Variants in PXDNL observed in about 807,000 individuals in gnomAD.
PXDNL encodes peroxidasin like.
Under a neutral mutation model 150.8 loss-of-function variants are expected in PXDNL, and 145 were observed. The observed-to-expected ratio is 0.96, with a 90% confidence interval of 0.84 to 1.10. The LOEUF (loss-of-function observed/expected upper bound fraction) is 1.10, where lower values mean the gene tolerates loss of function less well. Among genes scored for constraint, PXDNL ranks in the 50% least tolerant of loss-of-function variants. The pLI, the probability that PXDNL is intolerant of heterozygous loss-of-function variation, is 0.00. For missense variants in PXDNL, 2,087 were observed against 1,873.9 expected (o/e 1.11, Z -2.10); for synonymous variants, 757 against 725.7 (o/e 1.04, Z -0.69).
intron 4 of PXDNL, among the ~76,000 whole-genome samples, chr8:51,544,697 C>A: frequency 6.6e-6 from 1 of 152,120 alleles, no homozygotes; most frequent in Admixed American, 6.6e-5. Flanking sequence ...TTTTTAGGGT[C>A]AAAGGCTATG....
In PXDNL at chr8:51,804,133, T is replaced by C. The variant is rs538463658; in HGVS notation, c.164+5048A>G. ...GAGACATCAATCAGTTTATGTAAGA[T>C]GAATATTGATTTGGTCTGGAAGGTG... On this transcript the variant is annotated intron_variant, in intron 1 of 22. Coordinates refer to ENST00000356297, the MANE Select transcript of PXDNL (RefSeq NM_144651.5). Among the ~76,000 whole-genome samples, 12 of 152,310 alleles carry C rather than the reference T, an allele frequency of 7.9e-5. No individual in the cohort carries two copies. In the South Asian group the frequency reaches 2.5e-3, roughly 32 times the overall value.
In PXDNL at chr8:51,431,374, C is replaced by T. The variant is rs576289844; in HGVS notation, c.1526-4616G>A. Among the ~76,000 whole-genome samples, 43 of 152,228 alleles carry T rather than the reference C, an allele frequency of 2.8e-4. No individual in the cohort carries two copies. The South Asian group carries it at 5.4e-3, about 19-fold the overall frequency. ...TTTCCAAGAAACTTATTGGTTTCTT[C>T]GAAAACAAAAACATTCTCTGCTCAT... is the stretch of plus-strand genomic sequence containing the variant. On this transcript the variant is annotated intron_variant, in intron 12 of 22. Transcript: ENST00000356297.
intron 12 of PXDNL, among the ~76,000 whole-genome samples, chr8:51,441,604 G>A (rs994156391): frequency 5.9e-5 from 9 of 152,192 alleles, no homozygotes; most frequent in Non-Finnish European, 1.3e-4. Context: ...TCAATGCACA[G>A]TTTTTTCCTA....
chr8:51,800,389 G>A (rs2037605640), intron 1 of PXDNL, among the ~76,000 whole-genome samples: 1 of 152,134 alleles, frequency 6.6e-6, no homozygotes, highest in Admixed American at 6.5e-5. Context: ...AATTCCACGT[G>A]GTATATTCCC....
chr8:51,644,406 A>ATATGTGTGTGTATATATATACACATG (rs764867335), intron 2 of PXDNL, among the ~76,000 whole-genome samples: 4 of 23,346 alleles, frequency 1.7e-4, no homozygotes, highest in African/African-American at 2.3e-4. Flanking sequence ...ATATATACAC[A>ATATGTGTGTGTATATATATACACATG]TGTGTGTGTA....
intron 20 of PXDNL, among the ~76,000 whole-genome samples, chr8:51,341,593 A>T (rs1197037057): frequency 1.3e-5 from 2 of 152,100 alleles, no homozygotes; most frequent in Non-Finnish European, 2.9e-5. Flanking sequence ...AAAACTCTTT[A>T]CTCATTGAGC....
chr8:51,590,710 G>A (rs984911318), intron 3 of PXDNL, among the ~76,000 whole-genome samples: 1 of 150,392 alleles, frequency 6.6e-6, no homozygotes, highest in African/African-American at 2.5e-5. Flanking sequence ...GTCGTATTTT[G>A]GAAGTAGATA....
intron 1 of PXDNL, among the ~76,000 whole-genome samples, chr8:51,767,596 T>C (rs1312195818): frequency 6.6e-6 from 1 of 152,228 alleles, no homozygotes; most frequent in East Asian, 1.9e-4. Context: ...CTTACTACTA[T>C]GCCTTAGTCT....
chr8:51,651,134 A>G (rs1229952761), intron 2 of PXDNL, among the ~76,000 whole-genome samples: 1 of 152,222 alleles, frequency 6.6e-6, no homozygotes. Flanking sequence ...ATTTAACAAT[A>G]ATATTAATAC....
chr8:51,745,131 T>A (rs945451419), intron 1 of PXDNL, among the ~76,000 whole-genome samples: 1 of 152,174 alleles, frequency 6.6e-6, no homozygotes, highest in Non-Finnish European at 1.5e-5. Context: ...AGAAACCCAC[T>A]TATTTGTTAT....
rs186332258 is a variant in PXDNL, at chr8:51,697,792, G to A, written c.165-43032C>T. 3.8e-4 allele frequency among the ~76,000 whole-genome samples: 58 copies of A among 152,210 alleles called. 3 individuals are homozygous for A. The East Asian group carries it at 0.011, about 28-fold the overall frequency. On this transcript the variant is annotated intron_variant, in intron 1 of 22. Transcript: ENST00000356297. ...CTCTTGGCTCCTTCCTAGTTTCAAG[G>A]GAGACATTACAGTCCCAAGTTTTTC...
At chr8:51,596,883 T>C (rs1239299915) in intron 2 of PXDNL, among the ~76,000 whole-genome samples, 1 of 152,222 alleles carries the variant, frequency 6.6e-6, no homozygotes, top group African/African-American at 2.4e-5. Flanking sequence ...TTAGTTTATT[T>C]TGCTGTGCAG....
chr8:51,606,504 T>C (rs986474903), intron 2 of PXDNL, among the ~76,000 whole-genome samples: 4 of 152,200 alleles, frequency 2.6e-5, no homozygotes, highest in African/African-American at 9.6e-5. Context: ...GAAATAATAC[T>C]CTAACTATAA....
intron 1 of PXDNL, among the ~76,000 whole-genome samples, chr8:51,681,246 C>A (rs964741816): frequency 1.3e-5 from 2 of 152,110 alleles, no homozygotes; most frequent in Admixed American, 6.6e-5. Context: ...AAGACCCCAG[C>A]CCCCTAACGC....
chr8:51,534,834 G>T (rs1812027112), intron 4 of PXDNL, among the ~76,000 whole-genome samples: 4 of 128,898 alleles, frequency 3.1e-5, no homozygotes, highest in Admixed American at 7.1e-5. Context: ...GCCCCGTCCG[G>T]GAGGGAGGTG....
chr8:51,388,057 A>G (rs1807775999), intron 17 of PXDNL, among the ~76,000 whole-genome samples: 2 of 152,310 alleles, frequency 1.3e-5, no homozygotes, highest in African/African-American at 4.8e-5. Flanking sequence ...TAATAAATCA[A>G]GTAGGTTATC....
intron 1 of PXDNL, among the ~76,000 whole-genome samples, chr8:51,755,172 A>G (rs773383971): frequency 6.6e-5 from 10 of 152,378 alleles, no homozygotes; most frequent in Non-Finnish European, 1.0e-4. Context: ...AGTGAAATCT[A>G]GTAAATTAAA....
chr8:51,321,877 G>A (rs71513526), intron 21 of PXDNL, among the ~76,000 whole-genome samples: 31 of 152,190 alleles, frequency 2.0e-4, no homozygotes, highest in Non-Finnish European at 4.6e-4. Flanking sequence ...ATTATGGACT[G>A]AACTGTGTTC....
chr8:51,397,042 C>A (rs182272742), intron 17 of PXDNL, among the ~76,000 whole-genome samples: 22 of 152,294 alleles, frequency 1.4e-4, no homozygotes, highest in Middle Eastern at 3.4e-3. Context: ...CATAAATGAA[C>A]CCATATATAC....
Sources: gnomAD v4.1 joint callset for allele counts (sites outside exome capture counted in the v4.1 genomes callset) on GRCh38, gnomAD v4.1.1 for gene constraint, MANE v1.5 for transcripts, NCBI Gene and HGNC (gene_info 2026-07-23, HGNC 2026-07-21) for gene names.